The following ANKRD30B variants were observed in gnomAD, a reference collection of about 807,000 sequenced individuals.
The protein encoded by ANKRD30B is ankyrin repeat domain 30B.
In ANKRD30B, 144 loss-of-function variants were observed where a neutral mutation model predicts 202.2. That is an observed-to-expected ratio of 0.71 (90% CI 0.62 to 0.82). The LOEUF (loss-of-function observed/expected upper bound fraction) is 0.82. Ranked by LOEUF, ANKRD30B falls within the 40% of genes least tolerant of loss-of-function variation. The pLI, the probability that ANKRD30B is intolerant of heterozygous loss-of-function variation, is 0.00. For missense variants in ANKRD30B, 1,487 were observed against 1,669.1 expected (o/e 0.89, Z 1.90); for synonymous variants, 508 against 561.3 (o/e 0.91, Z 1.34).
intron 24 of ANKRD30B, among the ~76,000 whole-genome samples, chr18:14,805,999 T>C (rs558252801): frequency 2.0e-5 from 3 of 150,560 alleles, no homozygotes; most frequent in African/African-American, 7.4e-5. Flanking sequence ...GGCGGGCAGA[T>C]CACGAGGTCA....
At chr18:14,933,430 G>A in the ANKRD30B span, among the ~76,000 whole-genome samples, 1 of 152,170 alleles carries the variant, frequency 6.6e-6, no homozygotes, top group African/African-American at 2.4e-5. Flanking sequence ...GGGCCAGGTG[G>A]GAGCTGGGCC....
At chr18:14,925,353 T>C in the ANKRD30B span, among the ~76,000 whole-genome samples, 2 of 152,038 alleles carry the variant, frequency 1.3e-5, no homozygotes, top group Admixed American at 1.3e-4. Context: ...ACACTTCCCA[T>C]TGGGGGTTCT....
At chr18:14,819,543 G>C (rs763584845) in intron 30 of ANKRD30B, among the ~76,000 whole-genome samples, 175 of 152,236 alleles carry the variant, frequency 1.1e-3, no homozygotes, top group Non-Finnish European at 2.2e-3. Flanking sequence ...TTTTGTATAA[G>C]GTGTAAGGAA....
chr18:14,929,889 G>A, the ANKRD30B span, among the ~76,000 whole-genome samples: 102 of 152,232 alleles, frequency 6.7e-4, no homozygotes, highest in Admixed American at 1.2e-3. Context: ...AATCTCTGAG[G>A]AAATGACATT....
intron 30 of ANKRD30B, among the ~76,000 whole-genome samples, chr18:14,821,268 G>A (rs1970406606): frequency 6.6e-6 from 1 of 151,226 alleles, no homozygotes; most frequent in Non-Finnish European, 1.5e-5. Flanking sequence ...TTCTTTATTA[G>A]TCTTGCTAGC....
Position 14,763,818 on chromosome 18 carries a change from A to G in ANKRD30B, c.953A>G (p.Gln318Arg). ...GTGGAGGGAACGTCTGCCAAAATTC[A>G]ATGTCTGGGGAAAGCAACATCTGGA... ...RLVEGTSAKIQCLGKATSGKF... is the reference protein window; with the variant it reads ...RLVEGTSAKIRCLGKATSGKF... Residue 318 changes from glutamine (Q) to arginine (R), a missense_variant, in exon 7 of 44, where the codon CAA becomes CGA. Physicochemically the swap from Gln to Arg is conservative, Grantham distance 43 (BLOSUM62 1). Coordinates refer to ENST00000690538, the MANE Select transcript of ANKRD30B (RefSeq NM_001367607.2). 6.2e-7 allele frequency: 1 copy of G among 1,613,794 alleles called. No homozygotes were observed. The highest frequency in any genetic ancestry group is 8.5e-7 in the Non-Finnish European group (1 of 1,179,878).
At chr18:14,852,494 T>G in intron 42 of ANKRD30B, 74 bp downstream of exon 42, 1 of 1,457,190 alleles carries the variant, frequency 6.9e-7, no homozygotes, top group Non-Finnish European at 9.0e-7. Flanking sequence ...CTGAATCTAG[T>G]TGAATATATA....
At chr18:14,829,919 C>T (rs1201822571) in intron 33 of ANKRD30B, among the ~76,000 whole-genome samples, 1 of 152,140 alleles carries the variant, frequency 6.6e-6, no homozygotes, top group Non-Finnish European at 1.5e-5. Context: ...GGTGTCCCCT[C>T]CCGTTTGCCT....
chr18:14,884,944 G>A, the ANKRD30B span, among the ~76,000 whole-genome samples: 1 of 152,096 alleles, frequency 6.6e-6, no homozygotes. Flanking sequence ...GTGGAATAAA[G>A]AGTAGCTGAC....
At chr18:14,860,709 AT>A in the ANKRD30B span, among the ~76,000 whole-genome samples, 15 of 149,330 alleles carry the variant, frequency 1.0e-4, no homozygotes, top group Middle Eastern at 3.5e-3. Context: ...CCATCCAATA[AT>A]TTTTTTTTTT....
rs1318422359 is a variant in ANKRD30B at position 14,852,277 on chromosome 18, A to T, written c.4333A>T (p.Lys1445Ter). Residue 1445 changes from lysine (K) to a stop codon, truncating the protein, a stop_gained, in exon 42 of 44, where the codon AAA becomes TAA. Transcript: ENST00000690538. LOFTEE classifies it high-confidence loss of function. ...AGTTTATGCACATAAGAAAGTTAAC[A>T]AAAGCAAGGTAACAATTAATATTCA... ...QLVYAHKKVN[K>*]SKVTINIQFP... The T allele has an allele frequency of 6.5e-7, 1 of 1,545,880 alleles. No individual in the cohort carries two copies. The highest frequency in any genetic ancestry group is 8.7e-7 in the Non-Finnish European group (1 of 1,145,446).
intron 20 of ANKRD30B, 72 bp from the exon 21 acceptor site, chr18:14,799,029 A>C: frequency 7.3e-7 from 1 of 1,363,842 alleles, no homozygotes; most frequent in Non-Finnish European, 1.0e-6. Context: ...CTTCATATTC[A>C]CACTCTATGA....
chr18:14,913,748 A>T, the ANKRD30B span, among the ~76,000 whole-genome samples: 1 of 152,108 alleles, frequency 6.6e-6, no homozygotes, highest in Non-Finnish European at 1.5e-5. Context: ...TGATGGGGTG[A>T]GGGTTTGTCC....
chr18:14,852,812 C>A (rs1006944377), intron 42 of ANKRD30B: 1 of 154,276 alleles, frequency 6.5e-6, no homozygotes, highest in African/African-American at 2.4e-5. Flanking sequence ...CAGCAATTTA[C>A]ATTGACAGTT....
chr18:14,913,890 T>C, the ANKRD30B span, among the ~76,000 whole-genome samples: 1 of 152,248 alleles, frequency 6.6e-6, no homozygotes, highest in Non-Finnish European at 1.5e-5. Context: ...TGCTGTCCTG[T>C]GTGTTTTGTA....
intron 30 of ANKRD30B, among the ~76,000 whole-genome samples, chr18:14,819,459 A>T (rs1459370542): frequency 2.0e-5 from 3 of 149,626 alleles, no homozygotes; most frequent in Non-Finnish European, 4.5e-5. Context: ...CTGAATGGTA[A>T]TGCCTAGGTT....
At chr18:14,848,416 G>A (rs1379804869) in intron 39 of ANKRD30B, among the ~76,000 whole-genome samples, 1 of 152,100 alleles carries the variant, frequency 6.6e-6, no homozygotes, top group South Asian at 2.1e-4. Context: ...TACATTCCTC[G>A]GGGGAATTTT....
At position 14,771,861 on chromosome 18, in the gene ANKRD30B, G is replaced by T. The variant is rs1383555224; in HGVS notation, c.1257-295G>T. 3.3e-5 allele frequency among the ~76,000 whole-genome samples: 5 copies of T among 152,072 alleles called. No homozygotes were observed. In the South Asian group the frequency reaches 1.0e-3, roughly 32 times the overall value. ...GTTTGTGAGGATGAATTATACTCAGGGTATGCCAATTATATTGGCAGTCAC... is the reference window on the plus strand; with the variant it reads ...GTTTGTGAGGATGAATTATACTCAGTGTATGCCAATTATATTGGCAGTCAC... On this transcript the variant is annotated intron_variant, in intron 8 of 43. Transcript: ENST00000690538.
intron 16 of ANKRD30B, among the ~76,000 whole-genome samples, chr18:14,792,444 G>A (rs1451655297): frequency 6.6e-6 from 1 of 152,106 alleles, no homozygotes; most frequent in African/African-American, 2.4e-5. Context: ...AAAGGAAAGA[G>A]TGTGTGTTGA....
Sources: allele counts gnomAD v4.1 joint callset (sites outside exome capture counted in the v4.1 genomes callset), GRCh38; gene constraint gnomAD v4.1.1; transcripts MANE v1.5; gene names NCBI Gene and HGNC (gene_info 2026-07-23, HGNC 2026-07-21).